COL18A1: variants seen among roughly 807,000 people sequenced by gnomAD.
COL18A1 encodes collagen type XVIII alpha 1 chain, also known as collagen alpha-1(XVIII) chain.
Under a neutral mutation model 168.0 loss-of-function variants are expected in COL18A1, and 133 were observed. That is an observed-to-expected ratio of 0.79 (90% confidence interval 0.69 to 0.91). The LOEUF is 0.91. COL18A1 is among the 40% of genes least tolerant of loss of function. The pLI is 0.00. For synonymous variants in COL18A1, 949 were observed against 809.0 expected (o/e 1.17, Z -2.94); for missense variants, 2,126 against 1,925.4 (o/e 1.10, Z -1.95).
intron 22 of COL18A1, among the ~76,000 whole-genome samples, chr21:45,492,011 G>A (rs1320096970): frequency 6.6e-6 from 1 of 152,240 alleles, no homozygotes; most frequent in Non-Finnish European, 1.5e-5. Flanking sequence ...TCAGCTGTGT[G>A]ACACTGGACA....
chr21:45,476,296 C>G, intron 5 of COL18A1, 55 bp from the exon 6 acceptor site: 1 of 1,611,858 alleles, frequency 6.2e-7, no homozygotes, highest in South Asian at 1.1e-5. Context: ...CCAAGCAAGT[C>G]TCCACCGGGC....
intron 2 of COL18A1, among the ~76,000 whole-genome samples, chr21:45,437,174 GCACACACAC>G (rs2034138220): frequency 1.2e-5 from 1 of 84,012 alleles, no homozygotes; most frequent in Non-Finnish European, 2.1e-5. Context: ...GCACTCTCCT[GCACACACAC>G]TCACACAGAC....
At chr21:45,482,616 C>A (rs1333769488) in intron 14 of COL18A1, among the ~76,000 whole-genome samples, 179 bp from the exon 15 acceptor site, 1 of 152,184 alleles carries the variant, frequency 6.6e-6, no homozygotes, top group Non-Finnish European at 1.5e-5. Context: ...CCTTTCAGGA[C>A]CCCAACCACA....
rs559979147 is a variant in COL18A1, at chr21:45,490,689, G to A, written c.2032-147G>A. 213 of 836,744 alleles carry A rather than the reference G, an allele frequency of 2.5e-4. 1 individual carries two copies. The Admixed American group carries it at 3.8e-3, about 15-fold the overall frequency. The allele number at this position is 836,744 out of a possible 1,614,324, so 51.8% of individuals were successfully genotyped here. On this transcript the variant is annotated intron_variant, in intron 20 of 41. Coordinates refer to ENST00000651438, the MANE Select transcript of COL18A1 (RefSeq NM_001379500.1). ...CGCCAGGAGTTAAGTATAAGTCTCC[G>A]TCAGGGCTCTTGGTGGCTGCCTCCC...
At chr21:45,494,623 A>G in intron 27 of COL18A1, 52 bp downstream of exon 27, 2 of 1,611,504 alleles carry the variant, frequency 1.2e-6, no homozygotes, top group Non-Finnish European at 1.7e-6. Context: ...GACGGCCCCC[A>G]AGGACACGGT....
Position 45,480,685 on chromosome 21 carries a change from T to G in COL18A1, c.1453-15T>G. The G allele has an allele frequency of 1.2e-6, 2 of 1,610,846 alleles. No individual in the cohort carries two copies. The highest frequency in any genetic ancestry group is 1.7e-6 in the Non-Finnish European group (2 of 1,179,964). On this transcript the variant is annotated splice_polypyrimidine_tract_variant and intron_variant, in intron 12 of 41. Transcript: ENST00000651438. ...GCCACATGGGCTGTGACTATCTGTG[T>G]TCGCCCACGTCCAGGGTCCTCGAGG... is the stretch of plus-strand genomic sequence containing the variant.
In COL18A1 at chr21:45,505,227, G is replaced by A. The variant is rs1195535468; in HGVS notation, c.2962G>A (p.Gly988Ser). The change falls in exon 35 of 42, where the codon GGC (glycine) becomes AGC (serine). Residue 988 changes from glycine to serine, a missense_variant. Physicochemically the swap from Gly to Ser is moderately conservative, Grantham distance 56. Coordinates refer to ENST00000651438, the MANE Select transcript of COL18A1 (RefSeq NM_001379500.1). ...CTACGAGGGGCGCCAGGGCCCTCCC[G>A]GCCCCCCAGGCCCCCCAGGGCCCCC... ...IGYEGRQGPP[G>S]PPGPPGPPSF... The A allele has an allele frequency of 1.1e-5, 17 of 1,592,052 alleles. No individual in the cohort carries two copies. Among genetic ancestry groups the A allele is most frequent in the Non-Finnish European group, 1.4e-5 (16 of 1,166,464 alleles).
At chr21:45,487,078 G>A (rs2036140644) in intron 16 of COL18A1, 86 bp downstream of exon 16, 3 of 1,304,460 alleles carry the variant, frequency 2.3e-6, no homozygotes, top group East Asian at 5.1e-5. Flanking sequence ...CACTCACAGA[G>A]CAGCACGTCC....
Position 45,490,915 on chromosome 21 carries a change from G to A in COL18A1, c.2067+44G>A, listed in dbSNP as rs373414695. Reference sequence around the variant, plus strand: ...GGTGGATGGGGATGGGGGGCGCTGGGACATCCCAGAAGGTTTGGCCTCAGC... The same window carrying A: ...GGTGGATGGGGATGGGGGGCGCTGGAACATCCCAGAAGGTTTGGCCTCAGC... On this transcript the variant is annotated intron_variant, in intron 21 of 41. Transcript: ENST00000651438. 3.9e-6 allele frequency: 6 copies of A among 1,534,040 alleles called. No individual in the cohort carries two copies. The East Asian group carries it at 7.3e-5, about 19-fold the overall frequency.
intron 29 of COL18A1, 179 bp downstream of exon 29, chr21:45,495,611 C>T (rs2036502959): frequency 3.9e-6 from 2 of 513,228 alleles, no homozygotes; most frequent in East Asian, 3.4e-5. Context: ...CACACACGCA[C>T]ACGTGTGCCC....
chr21:45,450,734 G>A (rs1279126894), intron 2 of COL18A1, among the ~76,000 whole-genome samples: 1 of 152,150 alleles, frequency 6.6e-6, no homozygotes, highest in Admixed American at 6.5e-5. Context: ...TTCATGGTGG[G>A]TGGTCTCCCT....
At chr21:45,456,971 C>A (rs1298010485) in intron 2 of COL18A1, 6 of 1,070,800 alleles carry the variant, frequency 5.6e-6, no homozygotes, top group Non-Finnish European at 7.5e-6. Context: ...GTACAGGTTC[C>A]CCCCACATCG....
chr21:45,477,623 G>T, intron 7 of COL18A1, 127 bp from the exon 8 acceptor site: 1 of 1,253,570 alleles, frequency 8.0e-7, no homozygotes, highest in Non-Finnish European at 1.1e-6. Context: ...GTGCCAGCAT[G>T]CGTCCACCCT....
intron 2 of COL18A1, among the ~76,000 whole-genome samples, chr21:45,461,037 C>G (rs925357479): frequency 1.7e-4 from 26 of 152,212 alleles, no homozygotes; most frequent in African/African-American, 5.8e-4. Flanking sequence ...ACATCTATCA[C>G]TTCAACCAGT....
intron 2 of COL18A1, among the ~76,000 whole-genome samples, chr21:45,434,560 G>A (rs955452053): frequency 5.9e-5 from 9 of 152,220 alleles, no homozygotes; most frequent in Non-Finnish European, 2.9e-5. Context: ...GGCTTGGCAT[G>A]TACAAGCAGG....
At chr21:45,502,577 T>G in intron 32 of COL18A1, 1 of 152,216 alleles carries the variant, frequency 6.6e-6, no homozygotes, top group Non-Finnish European at 1.5e-5. Flanking sequence ...AGTCCAAAAA[T>G]CCAAAGTTAA....
At chr21:45,495,913 A>G (rs1438206862) in intron 29 of COL18A1, 1 of 311,890 alleles carries the variant, frequency 3.2e-6, no homozygotes, top group Non-Finnish European at 6.3e-6. Context: ...TCCCTGGCCC[A>G]TTCCATGATG....
intron 2 of COL18A1, among the ~76,000 whole-genome samples, chr21:45,466,796 C>T (rs2838933): frequency 0.19 from 28,368 of 152,164 alleles, 3,261 homozygotes; most frequent in African/African-American, 0.31. Flanking sequence ...TTCCCAATGA[C>T]GGAATGTTCT....
At position 45,480,694 on chromosome 21, in the gene COL18A1, G is replaced by T. The variant is rs200886865; in HGVS notation, c.1453-6G>T. On this transcript the variant is annotated splice_polypyrimidine_tract_variant and splice_region_variant and intron_variant, in intron 12 of 41. Coordinates refer to ENST00000651438, the MANE Select transcript of COL18A1 (RefSeq NM_001379500.1). ...GCTGTGACTATCTGTGTTCGCCCAC[G>T]TCCAGGGTCCTCGAGGCTTCCCTGG... The T allele has an allele frequency of 6.2e-7, 1 of 1,610,878 alleles. No individual in the cohort carries two copies. Among genetic ancestry groups the T allele is most frequent in the South Asian group, 1.1e-5 (1 of 91,086 alleles).
Sources: gnomAD v4.1 joint callset for allele counts (sites outside exome capture counted in the v4.1 genomes callset) on GRCh38, gnomAD v4.1.1 for gene constraint, MANE v1.5 for transcripts, NCBI Gene and HGNC (gene_info 2026-07-23, HGNC 2026-07-21) for gene names.